The following FHIP1A variants were observed in gnomAD, a reference collection of about 807,000 sequenced individuals.
FHIP1A encodes the protein FHF complex subunit HOOK interacting protein 1A.
A neutral mutation model predicts 88.6 loss-of-function variants in FHIP1A; 61 were observed. The observed-to-expected ratio is 0.69, with a 90% confidence interval of 0.56 to 0.85. The LOEUF (loss-of-function observed/expected upper bound fraction) is 0.85. Among genes scored for constraint, FHIP1A ranks in the 40% least tolerant of loss-of-function variants. The pLI is 0.00. For synonymous variants in FHIP1A, 478 were observed against 496.0 expected, an observed-to-expected ratio of 0.96 and a Z score of 0.48; for missense variants, 1,154 against 1,273.5, an observed-to-expected ratio of 0.91 and a Z score of 1.43.
rs1273870510 is a variant in FHIP1A at position 151,570,581 on chromosome 4, A to G, written c.105+4217A>G. On this transcript the variant is annotated intron_variant, in intron 4 of 13. Transcript: ENST00000435205. ...ATCCTGCTCCCTCAGTCTCCCAAAT[A>G]GCTGGGACTGCAGAGATGTGCCACT... Among the ~76,000 whole-genome samples, 6 of 152,186 alleles carry G rather than the reference A, an allele frequency of 3.9e-5. No homozygotes were observed. In the East Asian group the frequency reaches 1.2e-3, roughly 29 times the overall value.
Position 151,444,053 on chromosome 4 carries a change from C to G in FHIP1A, c.-355-10648C>G, listed in dbSNP as rs114817554. Among the ~76,000 whole-genome samples the G allele has an allele frequency of 9.4e-3, 1,403 of 149,738 alleles. 19 individuals are homozygous for G. The highest frequency in any genetic ancestry group is 0.033 in the African/African-American group (1,311 of 39,292). Reference sequence around the variant, plus strand: ...TCTGAGCCCAGAGCCTCCCCAGGCTCTATTGAGCAGATTGCCTCCTTGGTG... The same window carrying G: ...TCTGAGCCCAGAGCCTCCCCAGGCTGTATTGAGCAGATTGCCTCCTTGGTG... On this transcript the variant is annotated intron_variant, in intron 1 of 13. Transcript: ENST00000435205.
chr4:151,542,169 G>C (rs1732319495), intron 3 of FHIP1A, among the ~76,000 whole-genome samples: 1 of 152,108 alleles, frequency 6.6e-6, no homozygotes, highest in African/African-American at 2.4e-5. Context: ...CTGGTTGTGT[G>C]ACGAGAACCC....
chr4:151,496,648 A>G (rs1392615709), intron 3 of FHIP1A, among the ~76,000 whole-genome samples: 4 of 149,576 alleles, frequency 2.7e-5, no homozygotes, highest in Non-Finnish European at 5.9e-5. Flanking sequence ...CCCCCGGCTC[A>G]AGTGATTGAT....
At chr4:151,593,478 C>T (rs1734522100) in intron 7 of FHIP1A, among the ~76,000 whole-genome samples, 1 of 152,178 alleles carries the variant, frequency 6.6e-6, no homozygotes, top group Non-Finnish European at 1.5e-5. Context: ...AGGTCCTTCA[C>T]ATCCCTTGTA....
intron 11 of FHIP1A, among the ~76,000 whole-genome samples, chr4:151,654,972 C>T (rs1418027295): frequency 6.6e-6 from 1 of 152,200 alleles, no homozygotes; most frequent in East Asian, 1.9e-4. Context: ...TGCAGTTACC[C>T]TGTTCCTCCC....
intron 3 of FHIP1A, among the ~76,000 whole-genome samples, chr4:151,527,244 G>C (rs1041245108): frequency 3.3e-5 from 5 of 152,202 alleles, no homozygotes; most frequent in African/African-American, 1.2e-4. Context: ...ATTGAGCACT[G>C]AGTGAACGAG....
At chr4:151,661,407 TG>T (rs1281680931) in intron 13 of FHIP1A, among the ~76,000 whole-genome samples, 38 of 144,230 alleles carry the variant, frequency 2.6e-4, no homozygotes, top group South Asian at 6.3e-4. Flanking sequence ...AAGTGGAAGT[TG>T]TTTTTTTTTT....
chr4:151,642,808 C>T (rs1235847145), intron 9 of FHIP1A, among the ~76,000 whole-genome samples: 2 of 151,244 alleles, frequency 1.3e-5, no homozygotes, highest in African/African-American at 4.9e-5. Context: ...GAAACAGGCC[C>T]AGGGTTATAA....
At chr4:151,522,912 A>T (rs1560746613) in intron 3 of FHIP1A, among the ~76,000 whole-genome samples, 1 of 151,854 alleles carries the variant, frequency 6.6e-6, no homozygotes, top group African/African-American at 2.4e-5. Flanking sequence ...CGTCAAGGAG[A>T]GTGTGTTTGG....
chr4:151,571,134 T>C (rs1733587704), intron 4 of FHIP1A, among the ~76,000 whole-genome samples: 1 of 152,236 alleles, frequency 6.6e-6, no homozygotes, highest in Admixed American at 6.5e-5. Flanking sequence ...TTCTGAAGCT[T>C]CATGGACCTT....
At chr4:151,502,431 C>T (rs1290312124) in intron 3 of FHIP1A, among the ~76,000 whole-genome samples, 4 of 151,916 alleles carry the variant, frequency 2.6e-5, no homozygotes, top group African/African-American at 9.7e-5. Context: ...TAAAGTGAAA[C>T]CATGTAGAAA....
At chr4:151,591,019 G>T (rs1401819179) in intron 7 of FHIP1A, among the ~76,000 whole-genome samples, 1 of 151,956 alleles carries the variant, frequency 6.6e-6, no homozygotes, top group African/African-American at 2.4e-5. Context: ...ATAGCAACTA[G>T]GGAGAACAAA....
At position 151,656,844 on chromosome 4, in the gene FHIP1A, T is replaced by C. The variant is rs1444192432; in HGVS notation, c.2815T>C (p.Tyr939His). Residue 939 changes from tyrosine to histidine, a missense_variant, in exon 13 of 14, where the codon TAC becomes CAC. Tyr to His is a moderately conservative substitution (Grantham distance 83). Coordinates refer to ENST00000435205, the MANE Select transcript of FHIP1A (RefSeq NM_001109977.3). The surrounding 1 kb of genome is among the most constrained non-coding windows in gnomAD (Gnocchi z 4.2). Reference protein sequence around the residue: ...FPGLLIQAQQYLLFRVDMSDM... With the variant: ...FPGLLIQAQQHLLFRVDMSDM... ...AGGGCTCCTCATTCAAGCTCAGCAG[T>C]ACCTGCTCTTCCGTGTGGACATGTC... is the stretch of plus-strand genomic sequence containing the variant. 6.4e-7 allele frequency: 1 copy of C among 1,551,604 alleles called. No individual in the cohort carries two copies. Among genetic ancestry groups the C allele is most frequent in the Non-Finnish European group, 8.7e-7 (1 of 1,146,884 alleles).
At chr4:151,586,998 A>C (rs1468801536) in intron 6 of FHIP1A, among the ~76,000 whole-genome samples, 199 bp downstream of exon 6, 1 of 152,228 alleles carries the variant, frequency 6.6e-6, no homozygotes, top group African/African-American at 2.4e-5. Context: ...CTGAGAAAAA[A>C]AATGAGTAGA....
chr4:151,482,828 C>A (rs1335680812), intron 3 of FHIP1A, among the ~76,000 whole-genome samples, 180 bp downstream of exon 3: 1 of 151,866 alleles, frequency 6.6e-6, no homozygotes, highest in African/African-American at 2.4e-5. Context: ...TTTAAAAAAT[C>A]TTTTCTTAAG....
In FHIP1A at chr4:151,656,698, T is replaced by C. The variant is rs764823135; in HGVS notation, c.2731-62T>C. 9.1e-5 allele frequency: 136 copies of C among 1,500,958 alleles called. No homozygotes were observed. Among genetic ancestry groups the C allele is most frequent in the Non-Finnish European group, 1.2e-4 (130 of 1,113,102 alleles). 93.0% of individuals were successfully genotyped at this position (1,500,958 alleles called of 1,614,324 possible). A position where few individuals can be genotyped will look rare whatever the true frequency, so the allele number is the denominator to read the frequency against. ...ATGAGGGTGCTACCTGCAAGATATA[T>C]TGATAACTGGGAGTGGAATTTCATG... On this transcript the variant is annotated intron_variant, in intron 12 of 13. Transcript: ENST00000435205. This position sits in a 1 kb window ranked among gnomAD's most constrained non-coding sequence, Gnocchi z 4.2.
intron 1 of FHIP1A, chr4:151,436,568 C>A (rs1205167039): frequency 6.6e-6 from 1 of 152,138 alleles, no homozygotes; most frequent in Non-Finnish European, 1.5e-5. Context: ...GACCAGGATT[C>A]TACTGTGGTC....
chr4:151,625,716 T>A (rs1351306705), intron 7 of FHIP1A, among the ~76,000 whole-genome samples: 1 of 152,184 alleles, frequency 6.6e-6, no homozygotes, highest in Non-Finnish European at 1.5e-5. Context: ...CCCACCCACC[T>A]CCTTTTTAAA....
intron 3 of FHIP1A, among the ~76,000 whole-genome samples, chr4:151,503,529 G>A (rs957170566): frequency 2.6e-5 from 4 of 152,030 alleles, no homozygotes; most frequent in Non-Finnish European, 4.4e-5. Context: ...TCTGGTGAAG[G>A]GAAGATAGAG....
Sources: gnomAD v4.1 joint callset for allele counts (sites outside exome capture counted in the v4.1 genomes callset) on GRCh38, gnomAD v4.1.1 for gene constraint, Gnocchi (gnomAD v3.1) non-coding constraint, MANE v1.5 for transcripts, NCBI Gene and HGNC (gene_info 2026-07-23, HGNC 2026-07-21) for gene names.